The following MRPS6 variants were observed in gnomAD, a reference collection of about 807,000 sequenced individuals.
MRPS6 encodes small ribosomal subunit protein bS6m.
MRPS6 carries 6 observed loss-of-function variants against 13.1 expected under a neutral mutation model. The observed-to-expected ratio is 0.46, with a 90% CI of 0.25 to 0.91. The LOEUF (loss-of-function observed/expected upper bound fraction) is 0.91. Ranked by LOEUF, MRPS6 falls within the 40% of genes least tolerant of loss-of-function variation. The pLI is 0.18. For synonymous variants in MRPS6, 61 were observed against 56.5 expected, an observed-to-expected ratio of 1.08 and a Z score of -0.36; for missense variants, 164 against 155.6, an observed-to-expected ratio of 1.05 and a Z score of -0.29.
chr21:34,074,056 C>T (rs896740787), intron 1 of MRPS6, among the ~76,000 whole-genome samples: 9 of 145,594 alleles, frequency 6.2e-5, no homozygotes, highest in Non-Finnish European at 1.1e-4. Context: ...GATCCCGGCG[C>T]CGGCCCGCGG....
At chr21:34,094,870 A>T (rs1223626988) in intron 1 of MRPS6, 6 of 256,798 alleles carry the variant, frequency 2.3e-5, no homozygotes, top group Non-Finnish European at 3.7e-5. Flanking sequence ...CAGGGTTGGT[A>T]CAGTAGGCTT....
rs564316068 is a variant in MRPS6, at chr21:34,128,366, C to T, written c.185+2886C>T. 9.1e-4 allele frequency among the ~76,000 whole-genome samples: 139 copies of T among 152,202 alleles called. 1 individual carries two copies. The highest frequency in any genetic ancestry group is 3.2e-3 in the African/African-American group (131 of 41,508). ...CTGTTCTCCCATGCCCAGCCCCCTC[C>T]GCCCCCCAAATCAACCGCCTTATCA... On this transcript the variant is annotated intron_variant, in intron 2 of 2. Coordinates refer to ENST00000399312, the MANE Select transcript of MRPS6 (RefSeq NM_032476.4).
At chr21:34,095,025 ATCAC>A in intron 1 of MRPS6, 1 of 752,732 alleles carries the variant, frequency 1.3e-6, no homozygotes, top group African/African-American at 1.8e-5. Context: ...TTCAAAGTTT[ATCAC>A]AACCACCACC....
intron 1 of MRPS6, chr21:34,105,330 A>T: frequency 1.0e-6 from 1 of 998,722 alleles, no homozygotes; most frequent in Non-Finnish European, 1.2e-6. Flanking sequence ...GATAAGATGG[A>T]TATCAAAAAT....
At chr21:34,101,124 A>C (rs761860834) in intron 1 of MRPS6, 10 of 1,000,072 alleles carry the variant, frequency 1.0e-5, no homozygotes, top group Non-Finnish European at 1.2e-5. Context: ...AATTTTCCTA[A>C]GAAATCAGAA....
At chr21:34,129,842 G>A (rs575663803) in intron 2 of MRPS6, among the ~76,000 whole-genome samples, 73 of 152,286 alleles carry the variant, frequency 4.8e-4, no homozygotes, top group African/African-American at 1.7e-3. Flanking sequence ...TTTCTTTTTA[G>A]TGGCAGTGCC....
chr21:34,136,641 T>C (rs1373757743), intron 2 of MRPS6, among the ~76,000 whole-genome samples: 1 of 152,242 alleles, frequency 6.6e-6, no homozygotes, highest in East Asian at 1.9e-4. Context: ...TTATGACCAT[T>C]GTTTAAAAGT....
intron 1 of MRPS6, among the ~76,000 whole-genome samples, chr21:34,076,392 T>TG (rs1239664094): frequency 6.6e-6 from 1 of 152,202 alleles, no homozygotes; most frequent in Non-Finnish European, 1.5e-5. Flanking sequence ...CAAAGTCAGT[T>TG]GCGGGAATGC....
intron 2 of MRPS6, among the ~76,000 whole-genome samples, chr21:34,128,615 T>G (rs1433842268): frequency 6.6e-6 from 1 of 152,270 alleles, no homozygotes; most frequent in East Asian, 1.9e-4. Context: ...AAACAGGTTG[T>G]GTTCCAGAAA....
intron 1 of MRPS6, among the ~76,000 whole-genome samples, chr21:34,081,743 A>G (rs1423001409): frequency 6.6e-6 from 1 of 152,174 alleles, no homozygotes; most frequent in Non-Finnish European, 1.5e-5. Context: ...TAGTTCTGTC[A>G]TTAAAGTAGC....
At chr21:34,079,602 ATTTTTTTTTTTTTTT>A (rs398036389) in intron 1 of MRPS6, among the ~76,000 whole-genome samples, 490 of 43,708 alleles carry the variant, frequency 0.011, 5 homozygotes, top group Non-Finnish European at 0.017. Flanking sequence ...GACCCAGCTA[ATTTTTTTTTTTTTTT>A]TTTTTTTTTT....
chr21:34,138,862 A>G (rs991649997), intron 2 of MRPS6, among the ~76,000 whole-genome samples: 1 of 152,126 alleles, frequency 6.6e-6, no homozygotes, highest in Admixed American at 6.5e-5. Context: ...ACTATAAATC[A>G]TGCTGCTATA....
intron 1 of MRPS6, chr21:34,100,983 G>C (rs536695246): frequency 1.4e-4 from 139 of 999,584 alleles, no homozygotes; most frequent in Non-Finnish European, 1.6e-4. Context: ...TTTCATCAGA[G>C]GCATGATGAC....
chr21:34,117,481 C>T (rs1371719000), intron 1 of MRPS6, among the ~76,000 whole-genome samples: 1 of 152,120 alleles, frequency 6.6e-6, no homozygotes, highest in Non-Finnish European at 1.5e-5. Context: ...TTTGAATCTG[C>T]CTTTATTAGT....
chr21:34,115,632 A>G (rs1218686218), intron 1 of MRPS6, among the ~76,000 whole-genome samples: 3 of 152,214 alleles, frequency 2.0e-5, no homozygotes, highest in African/African-American at 7.2e-5. Context: ...GAGTCAGTGA[A>G]TGAGTTTTCA....
At chr21:34,093,113 C>G (rs191276527) in intron 1 of MRPS6, among the ~76,000 whole-genome samples, 1 of 152,098 alleles carries the variant, frequency 6.6e-6, no homozygotes, top group East Asian at 1.9e-4. Context: ...ATGATTCGTC[C>G]TACATAATGT....
chr21:34,112,195 A>C (rs944770416), intron 1 of MRPS6, among the ~76,000 whole-genome samples: 1 of 152,070 alleles, frequency 6.6e-6, no homozygotes. Flanking sequence ...TTATTTCTCA[A>C]TTCTCCATTT....
At chr21:34,118,113 A>G (rs1979991940) in intron 1 of MRPS6, among the ~76,000 whole-genome samples, 1 of 152,104 alleles carries the variant, frequency 6.6e-6, no homozygotes, top group Non-Finnish European at 1.5e-5. Context: ...GGTTTATTCA[A>G]AGAGTTTTTC....
intron 2 of MRPS6, among the ~76,000 whole-genome samples, chr21:34,126,182 C>G (rs1016493996): frequency 6.6e-6 from 1 of 152,226 alleles, no homozygotes; most frequent in African/African-American, 2.4e-5. Flanking sequence ...TGGCACTCAG[C>G]AACTCTGTGG....
Sources: allele counts gnomAD v4.1 joint callset (sites outside exome capture counted in the v4.1 genomes callset), GRCh38; gene constraint gnomAD v4.1.1; transcripts MANE v1.5; gene names NCBI Gene and HGNC (gene_info 2026-07-23, HGNC 2026-07-21).